Variants in LIG1 observed in about 807,000 individuals in gnomAD.
The protein encoded by LIG1 is DNA ligase 1, also known as ligase I, DNA, ATP-dependent.
In LIG1, 70 loss-of-function variants were observed where a neutral mutation model predicts 115.7. That is an observed-to-expected ratio of 0.60 (90% CI 0.50 to 0.74). The LOEUF is 0.74. LIG1 is among the 30% of genes least tolerant of loss of function. The pLI is 0.00. For missense variants in LIG1, 1,115 were observed against 1,225.6 expected (o/e 0.91, Z 1.35); for synonymous variants, 487 against 495.3 (o/e 0.98, Z 0.22).
intron 23 of LIG1, 125 bp from the exon 24 acceptor site, chr19:48,121,447 G>A: frequency 1.1e-6 from 1 of 898,262 alleles, no homozygotes; most frequent in Non-Finnish European, 1.6e-6. Context: ...ACTTCCAGAA[G>A]GAACCCCAAG....
intron 6 of LIG1, 97 bp from the exon 7 acceptor site, chr19:48,151,436 T>C: frequency 1.2e-6 from 1 of 816,704 alleles, no homozygotes; most frequent in South Asian, 1.3e-5. Context: ...CTGTCATCTG[T>C]TCTTTTTTTT....
At position 48,122,924 on chromosome 19, in the gene LIG1, C is replaced by T. The variant is rs3731011; in HGVS notation, c.2232+10G>A. On this transcript the variant is annotated intron_variant, in intron 23 of 27. Coordinates refer to ENST00000263274, the MANE Select transcript of LIG1 (RefSeq NM_000234.3). This position sits in a 1 kb window ranked among gnomAD's most constrained non-coding sequence, Gnocchi z 4.3. ...GGGTGGAGAAGGCCCAGTTGGGGGT[C>T]GAGAATCACCTTGAGCCAGTTGTGC... is the stretch of plus-strand genomic sequence containing the variant. The T allele has an allele frequency of 2.7e-3, 4,331 of 1,612,392 alleles. 103 individuals carry two copies. In the African/African-American group the frequency reaches 0.05, roughly 19 times the overall value.
chr19:48,167,805 G>A (rs1431527140), intron 1 of LIG1, among the ~76,000 whole-genome samples: 9 of 144,560 alleles, frequency 6.2e-5, no homozygotes, highest in East Asian at 2.0e-4. Context: ...CAGCCTGGGC[G>A]ACAGAGCGAG....
At chr19:48,163,622 G>C (rs1261219893) in intron 2 of LIG1, among the ~76,000 whole-genome samples, 1 of 151,856 alleles carries the variant, frequency 6.6e-6, no homozygotes, top group Non-Finnish European at 1.5e-5. Context: ...TCTGGTGAAG[G>C]GCAGAAATAT....
intron 6 of LIG1, among the ~76,000 whole-genome samples, chr19:48,152,007 T>C (rs1280316727): frequency 6.6e-6 from 1 of 151,942 alleles, no homozygotes; most frequent in Non-Finnish European, 1.5e-5. Context: ...AAAAACCAAC[T>C]TGGGAAAAAT....
At chr19:48,123,545 G>A in intron 21 of LIG1, 2 of 591,654 alleles carry the variant, frequency 3.4e-6, no homozygotes, top group South Asian at 2.0e-5. Flanking sequence ...GTGACTTCAG[G>A]AGCATCAGAC....
chr19:48,135,642 A>AC, intron 16 of LIG1, 38 bp downstream of exon 16: 1 of 1,507,394 alleles, frequency 6.6e-7, no homozygotes, highest in Non-Finnish European at 9.2e-7. Flanking sequence ...CACTCTGCCC[A>AC]CAGCCCCTGG....
rs750904503 is a variant in LIG1 at position 48,133,111 on chromosome 19, A to C, written c.1610-14T>G. 1 of 1,518,332 alleles carries C rather than the reference A, an allele frequency of 6.6e-7. No individual in the cohort carries two copies. The highest frequency in any genetic ancestry group is 1.1e-5 in the South Asian group (1 of 89,104). 94.1% of individuals were successfully genotyped at this position (1,518,332 alleles called of 1,614,324 possible). On this transcript the variant is annotated splice_polypyrimidine_tract_variant and intron_variant, in intron 17 of 27. Transcript: ENST00000263274. Reference sequence around the variant, plus strand: ...TCAGGGGAATCCCTGGGAAAGGAGGAGAGTGAGTTAGAGGAGAGGGAAGGC... The same window carrying C: ...TCAGGGGAATCCCTGGGAAAGGAGGCGAGTGAGTTAGAGGAGAGGGAAGGC...
At chr19:48,165,362 CTGT>C (rs1483181783) in intron 2 of LIG1, among the ~76,000 whole-genome samples, 185 bp downstream of exon 2, 6 of 152,196 alleles carry the variant, frequency 3.9e-5, no homozygotes. Flanking sequence ...CAACTAAAAA[CTGT>C]TGTTCAATAC....
At chr19:48,154,084 G>T in intron 5 of LIG1, 117 bp from the exon 6 acceptor site, 2 of 824,926 alleles carry the variant, frequency 2.4e-6, no homozygotes, top group East Asian at 2.5e-5. Context: ...CCCCTTCTCT[G>T]CCTGCACACA....
Position 48,153,622 on chromosome 19 carries a change from C to A in LIG1, c.466+250G>T, listed in dbSNP as rs12985215. On this transcript the variant is annotated intron_variant, in intron 6 of 27. Coordinates refer to ENST00000263274, the MANE Select transcript of LIG1 (RefSeq NM_000234.3). ...AACATCCTGAGCTCTCAGGCCCCTG[C>A]CCTTGCAGATCCAAAACACACACAC... Among the ~76,000 whole-genome samples the A allele has an allele frequency of 0.1, 14,572 of 143,400 alleles. 1,397 individuals are homozygous for A. Among genetic ancestry groups the A allele is most frequent in the African/African-American group, 0.24 (8,879 of 36,634 alleles). 94.1% of individuals were successfully genotyped at this position (143,400 alleles called of 152,430 possible).
At chr19:48,168,515 C>T (rs758481133) in intron 1 of LIG1, among the ~76,000 whole-genome samples, 6 of 152,128 alleles carry the variant, frequency 3.9e-5, no homozygotes, top group Non-Finnish European at 7.4e-5. Context: ...GCGTCTCTAT[C>T]GGAACGGCAA....
intron 5 of LIG1, 31 bp from the exon 6 acceptor site, chr19:48,153,998 C>A: frequency 6.3e-7 from 1 of 1,588,474 alleles, no homozygotes; most frequent in Non-Finnish European, 8.6e-7. Context: ...GTGTATCTGA[C>A]CTCGCTGGCT....
chr19:48,136,944 C>A (rs1234281912), intron 14 of LIG1, 64 bp downstream of exon 14: 12 of 1,309,416 alleles, frequency 9.2e-6, no homozygotes, highest in Non-Finnish European at 1.2e-5. Flanking sequence ...GCTGCCAGTC[C>A]CTCCCTCCTT....
intron 26 of LIG1, 43 bp from the exon 27 acceptor site, chr19:48,116,008 AC>A (rs767523594): frequency 6.8e-7 from 1 of 1,474,974 alleles, no homozygotes; most frequent in Non-Finnish European, 9.4e-7. Flanking sequence ...AGCCCCAGCG[AC>A]CCCCTGCTCA....
At chr19:48,169,868 C>CG (rs568508340) in intron 1 of LIG1, 5,525 of 155,910 alleles carry the variant, frequency 0.035, 264 homozygotes, top group Non-Finnish European at 0.053. Context: ...CCCGCCCCCT[C>CG]GGGGGGCCTT....
chr19:48,167,822 T>A (rs2036557963), intron 1 of LIG1, among the ~76,000 whole-genome samples: 1 of 134,722 alleles, frequency 7.4e-6, no homozygotes, highest in African/African-American at 2.9e-5. Flanking sequence ...CGAGACCCCG[T>A]CTTAAAAAAA....
intron 26 of LIG1, 78 bp downstream of exon 26, chr19:48,117,560 G>T: frequency 6.8e-7 from 1 of 1,477,764 alleles, no homozygotes; most frequent in Non-Finnish European, 9.3e-7. Flanking sequence ...TGTGAGCCAA[G>T]GTCCCCTCCC....
At position 48,143,644 on chromosome 19, in the gene LIG1, T is replaced by C. The variant is rs745858270; in HGVS notation, c.858-45A>G. 27 of 1,489,652 alleles carry C rather than the reference T, an allele frequency of 1.8e-5. No individual in the cohort carries two copies. The East Asian group carries it at 4.5e-4, about 25-fold the overall frequency. The allele number at this position is 1,489,652 out of a possible 1,614,324, so 92.3% of individuals were successfully genotyped here. ...GCAAGAGTGACAGTGGTGCAGGCTATACCATGCTGCCCGTCTGCACCCTTG... is the reference window on the plus strand; with the variant it reads ...GCAAGAGTGACAGTGGTGCAGGCTACACCATGCTGCCCGTCTGCACCCTTG... On this transcript the variant is annotated intron_variant, in intron 10 of 27. Coordinates refer to ENST00000263274, the MANE Select transcript of LIG1 (RefSeq NM_000234.3).
Sources: gnomAD v4.1 joint callset for allele counts (sites outside exome capture counted in the v4.1 genomes callset) on GRCh38, gnomAD v4.1.1 for gene constraint, Gnocchi (gnomAD v3.1) non-coding constraint, MANE v1.5 for transcripts, NCBI Gene and HGNC (gene_info 2026-07-23, HGNC 2026-07-21) for gene names.